The following NDUFV2 variants were observed in gnomAD, a reference collection of about 807,000 sequenced individuals.
NDUFV2 encodes NADH dehydrogenase [ubiquinone] flavoprotein 2, mitochondrial.
NDUFV2 carries 18 observed loss-of-function variants against 31.6 expected under a neutral mutation model. The observed-to-expected ratio is 0.57, with a 90% CI of 0.39 to 0.84. The LOEUF (loss-of-function observed/expected upper bound fraction) is 0.84. Ranked by LOEUF, NDUFV2 falls within the 40% of genes least tolerant of loss-of-function variation. NDUFV2 has a pLI of 0.00. For missense variants in NDUFV2, 314 were observed against 303.6 expected, an observed-to-expected ratio of 1.03 and a Z score of -0.26; for synonymous variants, 83 against 99.8, an observed-to-expected ratio of 0.83 and a Z score of 1.01.
At chr18:9,115,042 C>T (rs1451791968) in intron 1 of NDUFV2, among the ~76,000 whole-genome samples, 13 of 152,050 alleles carry the variant, frequency 8.5e-5, no homozygotes, top group Admixed American at 8.5e-4. Flanking sequence ...ATTTGATATA[C>T]AAGGAGGTTA....
Position 9,102,757 on chromosome 18 carries a change from C to T in NDUFV2, c.14C>T (p.Ala5Val), listed in dbSNP as rs771291959. The change falls in exon 1 of 8, where the codon GCG (alanine) becomes GTG (valine). Residue 5 changes from alanine (A) to valine (V), a missense_variant. By Grantham distance (64) the Ala-to-Val change is moderately conservative (BLOSUM62 0). Transcript: ENST00000318388. ...GTGTGGCCCGCCATGTTCTTCTCCG[C>T]GGCGCTCCGGGCCCGGGCGGCTGGC... is the stretch of plus-strand genomic sequence containing the variant. The part of the protein sequence containing the change: MFFS[A>V]ALRARAAGLT... 6.9e-6 allele frequency: 11 copies of T among 1,587,982 alleles called. No individual in the cohort carries two copies. The highest frequency in any genetic ancestry group is 6.8e-5 in the African/African-American group (5 of 74,018).
chr18:9,112,923 A>G (rs2077879008), intron 1 of NDUFV2, among the ~76,000 whole-genome samples: 1 of 152,128 alleles, frequency 6.6e-6, no homozygotes, highest in South Asian at 2.1e-4. Context: ...TAAAAAATAT[A>G]TGTTGCATAT....
Position 9,131,538 on chromosome 18 carries a change from G to A in NDUFV2, c.657-2648G>A, listed in dbSNP as rs537066545. Among the ~76,000 whole-genome samples, 357 of 152,236 alleles carry A rather than the reference G, an allele frequency of 2.3e-3. 2 individuals are homozygous for A. Among genetic ancestry groups the A allele is most frequent in the Non-Finnish European group, 3.3e-3 (223 of 68,022 alleles). On this transcript the variant is annotated intron_variant, in intron 7 of 7. Coordinates refer to ENST00000318388, the MANE Select transcript of NDUFV2 (RefSeq NM_021074.5). ...TAGAGCTAGGCTACAGTTCCAATGC[G>A]GTTGGTAGATGACTCTAGACAATAA...
chr18:9,110,906 AGTGTGT>A (rs1409564817), intron 1 of NDUFV2, among the ~76,000 whole-genome samples: 1 of 152,158 alleles, frequency 6.6e-6, no homozygotes. Context: ...ATGTTATGCT[AGTGTGT>A]ATACGTTCAG....
intron 7 of NDUFV2, among the ~76,000 whole-genome samples, chr18:9,129,062 C>G (rs774739954): frequency 6.6e-6 from 1 of 152,130 alleles, no homozygotes; most frequent in Non-Finnish European, 1.5e-5. Context: ...CTCAGTCTCC[C>G]GAGCAGCTGG....
chr18:9,119,983 C>T lies in NDUFV2; in HGVS notation c.300+393C>T, dbSNP rs183071054. ...TAGTATGAAAATTTTTAATATTTTA[C>T]ATCTTTGGCTGTAGGCTGTAAGAAA... On this transcript the variant is annotated intron_variant, in intron 4 of 7. Transcript: ENST00000318388. 7.7e-4 allele frequency among the ~76,000 whole-genome samples: 117 copies of T among 152,186 alleles called. 1 individual carries two copies. The highest frequency in any genetic ancestry group is 7.8e-4 in the Non-Finnish European group (53 of 67,976).
intron 1 of NDUFV2, among the ~76,000 whole-genome samples, chr18:9,112,128 C>T (rs2077874420): frequency 1.3e-5 from 2 of 150,484 alleles, no homozygotes; most frequent in African/African-American, 2.4e-5. Context: ...AAGCAATTCT[C>T]CTGTCTCAGC....
chr18:9,104,974 G>T, intron 1 of NDUFV2: 1 of 1,554,652 alleles, frequency 6.4e-7, no homozygotes, highest in Non-Finnish European at 8.8e-7. Flanking sequence ...CTACAAAAAT[G>T]GAAAGGTATT....
intron 6 of NDUFV2, among the ~76,000 whole-genome samples, chr18:9,125,951 T>C (rs912532731): frequency 1.2e-4 from 19 of 152,304 alleles, no homozygotes; most frequent in Non-Finnish European, 2.6e-4. Flanking sequence ...GTAGCTTACA[T>C]GGTCTCTTGT....
At chr18:9,131,904 T>C (rs946159058) in intron 7 of NDUFV2, among the ~76,000 whole-genome samples, 11 of 152,204 alleles carry the variant, frequency 7.2e-5, no homozygotes, top group Non-Finnish European at 1.3e-4. Context: ...TAGGGCTAGC[T>C]CACTGCCTCT....
At chr18:9,111,943 A>G (rs2077872555) in intron 1 of NDUFV2, among the ~76,000 whole-genome samples, 1 of 151,388 alleles carries the variant, frequency 6.6e-6, no homozygotes, top group Non-Finnish European at 1.5e-5. Context: ...ATTAGAAATG[A>G]TGAAATTGAC....
At chr18:9,105,009 TTGTAA>T in intron 1 of NDUFV2, 1 of 1,514,698 alleles carries the variant, frequency 6.6e-7, no homozygotes, top group Non-Finnish European at 9.0e-7. Flanking sequence ...GCCTGCTCTT[TTGTAA>T]TGTATTCTGA....
At chr18:9,123,411 G>A (rs1479240041) in intron 5 of NDUFV2, among the ~76,000 whole-genome samples, 1 of 151,708 alleles carries the variant, frequency 6.6e-6, no homozygotes, top group East Asian at 1.9e-4. Context: ...ATATATAAAT[G>A]TACTACATGT....
At chr18:9,123,527 C>T (rs1265894509) in intron 5 of NDUFV2, among the ~76,000 whole-genome samples, 1 of 151,702 alleles carries the variant, frequency 6.6e-6, no homozygotes, top group African/African-American at 2.4e-5. Flanking sequence ...CACTTTGTCA[C>T]CAGGCTGGAA....
At chr18:9,130,180 T>G (rs1018036160) in intron 7 of NDUFV2, among the ~76,000 whole-genome samples, 2 of 152,210 alleles carry the variant, frequency 1.3e-5, no homozygotes, top group East Asian at 3.8e-4. Flanking sequence ...AAGGGTAGTA[T>G]TTAAAGTTAT....
At chr18:9,124,445 A>C (rs1264092116) in intron 5 of NDUFV2, among the ~76,000 whole-genome samples, 2 of 146,758 alleles carry the variant, frequency 1.4e-5, no homozygotes, top group Admixed American at 1.4e-4. Context: ...CTTTTTAAAA[A>C]ACTTTTTTTT....
At chr18:9,115,905 AAT>A (rs1263497260) in intron 1 of NDUFV2, 7 of 152,094 alleles carry the variant, frequency 4.6e-5, no homozygotes, top group Non-Finnish European at 8.8e-5. Flanking sequence ...ATATCATGGT[AAT>A]TTGCTTTCTA....
intron 6 of NDUFV2, 114 bp from the exon 7 acceptor site, chr18:9,126,717 T>A (rs1477421892): frequency 3.3e-6 from 3 of 914,574 alleles, no homozygotes; most frequent in Non-Finnish European, 5.3e-6. Context: ...GGAGGATTGC[T>A]TAAGCCCAGG....
intron 7 of NDUFV2, among the ~76,000 whole-genome samples, chr18:9,130,770 G>A (rs918760634): frequency 2.6e-5 from 4 of 152,134 alleles, no homozygotes; most frequent in African/African-American, 4.8e-5. Context: ...ATGAAAAACC[G>A]AGAGGAATTA....
Sources: allele counts gnomAD v4.1 joint callset (sites outside exome capture counted in the v4.1 genomes callset), GRCh38; gene constraint gnomAD v4.1.1; transcripts MANE v1.5; gene names NCBI Gene and HGNC (gene_info 2026-07-23, HGNC 2026-07-21).